The following EPHB2 variants were observed in gnomAD, a reference collection of about 807,000 sequenced individuals.
The protein encoded by EPHB2 is EPH receptor B2, also known as ephrin type-B receptor 2.
EPHB2 carries 18 observed loss-of-function variants against 96.4 expected under a neutral mutation model. The ratio of observed to expected loss-of-function variants is 0.19; its 90% CI spans 0.13 to 0.28. The LOEUF (loss-of-function observed/expected upper bound fraction) is 0.28, where lower values mean the gene tolerates loss of function less well. Ranked by LOEUF, EPHB2 falls within the 10% of genes least tolerant of loss-of-function variation. The pLI is 1.00. For synonymous variants in EPHB2, 506 were observed against 534.1 expected (o/e 0.95, Z 0.72); for missense variants, 989 against 1,355.4 (o/e 0.73, Z 4.25).
intron 3 of EPHB2, chr1:22,836,562 G>A (rs1645388824): frequency 6.6e-6 from 1 of 152,268 alleles, no homozygotes; most frequent in African/African-American, 2.4e-5. Context: ...GGTCTTAACA[G>A]CCAGCCAGTA....
chr1:22,739,405 G>A (rs374247247), intron 1 of EPHB2, among the ~76,000 whole-genome samples: 1 of 152,000 alleles, frequency 6.6e-6, no homozygotes, highest in African/African-American at 2.4e-5. Context: ...TAGTAGAGAT[G>A]GGGGTTCACC....
At chr1:22,716,019 C>T (rs1643285443) in intron 1 of EPHB2, among the ~76,000 whole-genome samples, 2 of 152,160 alleles carry the variant, frequency 1.3e-5, no homozygotes. Flanking sequence ...GTCCAGGCAC[C>T]AGATCAGCCT....
intron 3 of EPHB2, among the ~76,000 whole-genome samples, chr1:22,789,448 T>C (rs959452421): frequency 6.6e-6 from 1 of 152,168 alleles, no homozygotes; most frequent in Non-Finnish European, 1.5e-5. Context: ...TAGTTCCCAG[T>C]GCAGTGAGTG....
At chr1:22,718,447 G>A (rs1345107114) in intron 1 of EPHB2, among the ~76,000 whole-genome samples, 1 of 144,664 alleles carries the variant, frequency 6.9e-6, no homozygotes, top group Non-Finnish European at 1.5e-5. Flanking sequence ...CTGCAGTGGT[G>A]CAATCTCGGC....
rs200015506 is a variant in EPHB2, at chr1:22,896,465, C to T, written c.1752C>T (p.Tyr584=). 19 of 1,614,172 alleles carry T rather than the reference C, an allele frequency of 1.2e-5. No homozygotes were observed. In the Admixed American group the frequency reaches 2.8e-4, roughly 24 times the overall value. ...DSEYTDKLQH[Y]TSGHMTPGMK... ...AGTACACGGACAAGCTGCAACACTACACCAGTGGCCACAGTATGTACACAC... is the reference window on the plus strand; with the variant it reads ...AGTACACGGACAAGCTGCAACACTATACCAGTGGCCACAGTATGTACACAC... The change falls in exon 9 of 16, where the codon TAC becomes TAT. Residue 584 remains tyrosine, a synonymous_variant. Transcript: ENST00000374630.
intron 3 of EPHB2, among the ~76,000 whole-genome samples, chr1:22,853,889 C>T (rs376354511): frequency 3.3e-5 from 5 of 152,222 alleles, no homozygotes; most frequent in Admixed American, 6.5e-5. Flanking sequence ...GCCTGGCTGG[C>T]GAGGCCTGGG....
Position 22,865,082 on chromosome 1 carries a change from A to C in EPHB2, c.1173A>C (p.Pro391=). The C allele has an allele frequency of 6.2e-7, 1 of 1,614,218 alleles. No individual in the cohort carries two copies. The change falls in exon 5 of 16, where the codon CCA becomes CCC. Residue 391 remains proline, a synonymous_variant. Coordinates refer to ENST00000374630, the MANE Select transcript of EPHB2 (RefSeq NM_017449.5). ...YAPRQLGLTE[P]RIYISDLLAH... is the part of the protein sequence containing the mutation. ...CACGCCAGCTAGGCCTGACCGAGCC[A>C]CGCATTTACATCAGTGACCTGCTGG...
intron 13 of EPHB2, 81 bp from the exon 14 acceptor site, chr1:22,910,301 C>G (rs1640051383): frequency 1.3e-6 from 2 of 1,564,608 alleles, no homozygotes; most frequent in Non-Finnish European, 1.8e-6. Context: ...GTGCAATGTA[C>G]TGGGGGTAAG....
chr1:22,881,918 C>T (rs1639059873), intron 5 of EPHB2, among the ~76,000 whole-genome samples: 1 of 152,186 alleles, frequency 6.6e-6, no homozygotes, highest in Non-Finnish European at 1.5e-5. Context: ...TCTAAGCATC[C>T]TTCTAGCACT....
At chr1:22,910,677 C>A in intron 14 of EPHB2, 102 bp downstream of exon 14, 1 of 1,442,016 alleles carries the variant, frequency 6.9e-7, no homozygotes, top group Non-Finnish European at 9.5e-7. Context: ...CTTACTGCAG[C>A]TTGGGATGGG....
At position 22,861,269 on chromosome 1, in the gene EPHB2, C is replaced by T. The variant is rs1638246703; in HGVS notation, c.812-1768C>T. Among the ~76,000 whole-genome samples the T allele has an allele frequency of 3.9e-5, 6 of 152,296 alleles. No individual in the cohort carries two copies. The South Asian group carries it at 1.2e-3, about 32-fold the overall frequency. Reference sequence around the variant, plus strand: ...GGTTTGCCAGCAGCCTGCACACTAACCACTATGTTCACTGCCCTCCTGCTT... The same window carrying T: ...GGTTTGCCAGCAGCCTGCACACTAATCACTATGTTCACTGCCCTCCTGCTT... On this transcript the variant is annotated intron_variant, in intron 3 of 15. Coordinates refer to ENST00000374630, the MANE Select transcript of EPHB2 (RefSeq NM_017449.5).
intron 1 of EPHB2, among the ~76,000 whole-genome samples, chr1:22,712,598 A>T (rs1557629618): frequency 6.6e-6 from 1 of 152,050 alleles, no homozygotes; most frequent in Non-Finnish European, 1.5e-5. Context: ...GTGTCCCTGG[A>T]TGGCAGCCAC....
chr1:22,815,913 G>A (rs1645069580), intron 3 of EPHB2, among the ~76,000 whole-genome samples: 1 of 152,184 alleles, frequency 6.6e-6, no homozygotes, highest in Admixed American at 6.5e-5. Flanking sequence ...AAGCCACCAT[G>A]TCCATCGGGC....
At chr1:22,898,206 T>C (rs1299216612) in intron 9 of EPHB2, among the ~76,000 whole-genome samples, 1 of 150,732 alleles carries the variant, frequency 6.6e-6, no homozygotes, top group Non-Finnish European at 1.5e-5. Flanking sequence ...GTGTGGTATA[T>C]TTGAAGATGA....
intron 5 of EPHB2, among the ~76,000 whole-genome samples, chr1:22,877,008 TG>T (rs1313588879): frequency 7.1e-6 from 1 of 141,498 alleles, no homozygotes; most frequent in East Asian, 2.5e-4. Flanking sequence ...TTCCCAGAGC[TG>T]GGGCGGGCCG....
chr1:22,882,901 C>T (rs539322408), intron 6 of EPHB2: 86 of 295,724 alleles, frequency 2.9e-4, no homozygotes, highest in African/African-American at 1.7e-3. Flanking sequence ...AGAGCTTCCG[C>T]CTGCCCTGCT....
intron 5 of EPHB2, among the ~76,000 whole-genome samples, chr1:22,880,054 C>T (rs892961592): frequency 6.6e-6 from 1 of 152,084 alleles, no homozygotes; most frequent in Non-Finnish European, 1.5e-5. Context: ...GGCTCATTCT[C>T]GGTGTCAAGG....
At chr1:22,734,418 T>C (rs1643781035) in intron 1 of EPHB2, among the ~76,000 whole-genome samples, 1 of 139,596 alleles carries the variant, frequency 7.2e-6, no homozygotes, top group South Asian at 2.8e-4. Context: ...AGAATGTCAA[T>C]ATTCTTTTTT....
At chr1:22,878,360 CCCCAGTGCCTAGCATGGTG>C (rs1638913997) in intron 5 of EPHB2, among the ~76,000 whole-genome samples, 1 of 152,240 alleles carries the variant, frequency 6.6e-6, no homozygotes, top group Admixed American at 6.5e-5. Flanking sequence ...CTTACAGCTT[CCCCAGTGCCTAGCATGGTG>C]CCCATCCTGG....
Sources: allele counts gnomAD v4.1 joint callset (sites outside exome capture counted in the v4.1 genomes callset), GRCh38; gene constraint gnomAD v4.1.1; transcripts MANE v1.5; gene names NCBI Gene and HGNC (gene_info 2026-07-23, HGNC 2026-07-21).